Variants in SNAP91 observed in about 807,000 individuals in gnomAD.
SNAP91 encodes synaptosome associated protein 91.
Under a neutral mutation model 100.3 loss-of-function variants are expected in SNAP91, and 27 were observed. The observed-to-expected ratio is 0.27, with a 90% CI of 0.20 to 0.37. SNAP91 has a LOEUF of 0.37. Among genes scored for constraint, SNAP91 ranks in the 10% least tolerant of loss-of-function variants. SNAP91 has a pLI of 1.00. For missense variants in SNAP91, 986 were observed against 1,123.7 expected (o/e 0.88, Z 1.75); for synonymous variants, 404 against 398.6 (o/e 1.01, Z -0.16).
chr6:83,673,647 T>C (rs1340390190), intron 2 of SNAP91, among the ~76,000 whole-genome samples: 2 of 152,202 alleles, frequency 1.3e-5, no homozygotes, highest in African/African-American at 4.8e-5. Context: ...TACGAAAAAG[T>C]GATACAGATG....
chr6:83,687,920 A>T (rs557113330), intron 2 of SNAP91, among the ~76,000 whole-genome samples: 1 of 152,214 alleles, frequency 6.6e-6, no homozygotes, highest in Admixed American at 6.5e-5. Context: ...GAATAGATGC[A>T]GTTGTTATCT....
At chr6:83,598,965 T>C (rs1463724390) in intron 16 of SNAP91, among the ~76,000 whole-genome samples, 1 of 152,210 alleles carries the variant, frequency 6.6e-6, no homozygotes, top group African/African-American at 2.4e-5. Context: ...GATTTTCAGA[T>C]GTAATTGTCA....
rs1162752970 is a variant in SNAP91 at position 83,707,891 on chromosome 6, C to T, written c.37G>A (p.Ala13Thr). ...GQTLTDRIAA[A>T]QYSVTGSAVA... ...GCAGAGCCTGTAACGCTGTACTGAG[C>T]GGCGGCGATCCGATCCGTGAGCGTT... The change falls in exon 2 of 30, where the codon GCT becomes ACT. Residue 13 changes from alanine to threonine, a missense_variant. Physicochemically the swap from Ala to Thr is moderately conservative, Grantham distance 58. Transcript: ENST00000369694. 4 of 1,597,604 alleles carry T rather than the reference C, an allele frequency of 2.5e-6. No individual in the cohort carries two copies. The highest frequency in any genetic ancestry group is 2.6e-6 in the Non-Finnish European group (3 of 1,174,668).
intron 2 of SNAP91, among the ~76,000 whole-genome samples, chr6:83,695,972 G>A (rs1183711323): frequency 6.6e-6 from 1 of 151,940 alleles, no homozygotes; most frequent in Non-Finnish European, 1.5e-5. Context: ...AAGCAGTGAG[G>A]AGATGCATAT....
rs181873337 is a variant in SNAP91, at chr6:83,697,587, G to T, written c.130+10211C>A. Among the ~76,000 whole-genome samples, 31 of 152,068 alleles carry T rather than the reference G, an allele frequency of 2.0e-4. 1 individual carries two copies. Among genetic ancestry groups the T allele is most frequent in the African/African-American group, 7.5e-4 (31 of 41,464 alleles). On this transcript the variant is annotated intron_variant, in intron 2 of 29. Coordinates refer to ENST00000369694, the MANE Select transcript of SNAP91 (RefSeq NM_001242792.2). ...TTTTCCCCAGATTAAATCGTTGTCAGATCATGGTCATGCAAGTGTTGAGAG... is the reference window on the plus strand; with the variant it reads ...TTTTCCCCAGATTAAATCGTTGTCATATCATGGTCATGCAAGTGTTGAGAG...
Position 83,607,181 on chromosome 6 carries a change from C to T in SNAP91, c.1022+518G>A, listed in dbSNP as rs77645131. Among the ~76,000 whole-genome samples, 949 of 152,176 alleles carry T rather than the reference C, an allele frequency of 6.2e-3. 9 individuals are homozygous for T. Among genetic ancestry groups the T allele is most frequent in the African/African-American group, 0.022 (908 of 41,504 alleles). ...TTAGGAGGCTAGAGATTTCAAAGAACGCACAGTCATCCCCAGATTTCTCAC... is the reference window on the plus strand; with the variant it reads ...TTAGGAGGCTAGAGATTTCAAAGAATGCACAGTCATCCCCAGATTTCTCAC... On this transcript the variant is annotated intron_variant, in intron 13 of 29. Transcript: ENST00000369694.
At chr6:83,652,104 G>A (rs1048079809) in intron 7 of SNAP91, among the ~76,000 whole-genome samples, 1 of 152,034 alleles carries the variant, frequency 6.6e-6, no homozygotes, top group African/African-American at 2.4e-5. Context: ...ATTTAAAGTA[G>A]ATTTCCTATA....
chr6:83,625,042 C>T lies in SNAP91; in HGVS notation c.766-1700G>A, dbSNP rs115718403. Among the ~76,000 whole-genome samples the T allele has an allele frequency of 8.2e-3, 1,244 of 152,112 alleles. 15 individuals carry two copies. Among genetic ancestry groups the T allele is most frequent in the African/African-American group, 0.028 (1,174 of 41,494 alleles). The stretch of plus-strand genomic sequence containing the variant: ...GAAGGTTTTCAGACCTTGACTTCCT[C>T]CCTTTGTACCTGCTTTTGGAGGCCC... On this transcript the variant is annotated intron_variant, in intron 8 of 29. Transcript: ENST00000369694.
At chr6:83,601,514 A>T in intron 15 of SNAP91, 71 bp downstream of exon 15, 1 of 1,610,748 alleles carries the variant, frequency 6.2e-7, no homozygotes. Context: ...ACTCCAAATG[A>T]TCAAAATAAG....
At position 83,699,294 on chromosome 6, in the gene SNAP91, G is replaced by T. The variant is rs751691034; in HGVS notation, c.130+8504C>A. Among the ~76,000 whole-genome samples the T allele has an allele frequency of 1.4e-3, 216 of 151,878 alleles. 1 individual carries two copies. Among genetic ancestry groups the T allele is most frequent in the Non-Finnish European group, 5.3e-4 (36 of 67,948 alleles). On this transcript the variant is annotated intron_variant, in intron 2 of 29. Coordinates refer to ENST00000369694, the MANE Select transcript of SNAP91 (RefSeq NM_001242792.2). ...TATAAAATTAGTTTTGTTTAAAATG[G>T]TAAAGAAATAAAAGAGGAACTCAAA...
At chr6:83,673,510 C>A (rs975884439) in intron 2 of SNAP91, among the ~76,000 whole-genome samples, 5 of 152,150 alleles carry the variant, frequency 3.3e-5, no homozygotes, top group Admixed American at 2.0e-4. Context: ...GTTTTGGTAG[C>A]CCCTGCAAAC....
At chr6:83,575,877 G>C in intron 25 of SNAP91, 146 bp downstream of exon 25, 1 of 581,968 alleles carries the variant, frequency 1.7e-6, no homozygotes, top group Non-Finnish European at 3.0e-6. Flanking sequence ...ACAAAAATCT[G>C]GGATGAAATA....
chr6:83,687,661 C>T (rs1358215418), intron 2 of SNAP91, among the ~76,000 whole-genome samples: 1 of 152,132 alleles, frequency 6.6e-6, no homozygotes, highest in African/African-American at 2.4e-5. Flanking sequence ...GAAAGGATTA[C>T]TCCAACTACT....
At chr6:83,658,419 C>G (rs2098458236) in intron 6 of SNAP91, among the ~76,000 whole-genome samples, 1 of 152,004 alleles carries the variant, frequency 6.6e-6, no homozygotes, top group African/African-American at 2.4e-5. Context: ...ACCATCCTGG[C>G]TAGCATGGTG....
intron 7 of SNAP91, among the ~76,000 whole-genome samples, chr6:83,653,073 G>A (rs1316879180): frequency 6.6e-6 from 1 of 151,922 alleles, no homozygotes; most frequent in Non-Finnish European, 1.5e-5. Context: ...AGGTAGTTTC[G>A]GGGGCATTTC....
chr6:83,591,609 TA>T (rs2093757307), intron 21 of SNAP91, among the ~76,000 whole-genome samples: 1 of 152,206 alleles, frequency 6.6e-6, no homozygotes, highest in African/African-American at 2.4e-5. Flanking sequence ...ACTTTTTACC[TA>T]AAGGTAATAA....
At chr6:83,588,652 T>C (rs2093235985) in intron 22 of SNAP91, among the ~76,000 whole-genome samples, 1 of 152,212 alleles carries the variant, frequency 6.6e-6, no homozygotes, top group East Asian at 1.9e-4. Flanking sequence ...TTTTAGATTC[T>C]TATTGCATCC....
Position 83,690,308 on chromosome 6 carries a change from T to A in SNAP91, c.130+17490A>T, listed in dbSNP as rs975147359. The A allele has an allele frequency of 2.3e-5, 29 of 1,239,092 alleles. No individual in the cohort carries two copies. In the African/African-American group the frequency reaches 4.4e-4, roughly 19 times the overall value. 76.8% of individuals were successfully genotyped at this position (1,239,092 alleles called of 1,614,324 possible). On this transcript the variant is annotated intron_variant, in intron 2 of 29. Transcript: ENST00000369694. ...AAATGTAACATATTTCTGAAGTATT[T>A]CTCCTTTAGCACAACTTTTTAAAAG...
chr6:83,599,438 T>C (rs922886612), intron 16 of SNAP91, among the ~76,000 whole-genome samples: 10 of 152,296 alleles, frequency 6.6e-5, no homozygotes, highest in Non-Finnish European at 1.2e-4. Flanking sequence ...AAACTACCCA[T>C]AGCTACATCA....
Sources: gnomAD v4.1 joint callset for allele counts (sites outside exome capture counted in the v4.1 genomes callset) on GRCh38, gnomAD v4.1.1 for gene constraint, MANE v1.5 for transcripts, NCBI Gene and HGNC (gene_info 2026-07-23, HGNC 2026-07-21) for gene names.